ZNF888: variants seen among roughly 807,000 people sequenced by gnomAD.
ZNF888 encodes CTD-2331H12.6.
A neutral mutation model predicts 7.2 loss-of-function variants in ZNF888; 5 were observed. The observed-to-expected ratio is 0.70, with a 90% CI of 0.36 to 1.46. The LOEUF (loss-of-function observed/expected upper bound fraction) is 1.46, where lower values mean the gene tolerates loss of function less well. ZNF888 is among the 40% of genes most tolerant of loss of function. The pLI, the probability that ZNF888 is intolerant of heterozygous loss-of-function variation, is 0.03. For missense variants in ZNF888, 716 were observed against 858.0 expected (o/e 0.83, Z 2.07); for synonymous variants, 240 against 284.3 (o/e 0.84, Z 1.57).
At chr19:52,922,693 C>G (rs2064835640) in intron 1 of ZNF888, among the ~76,000 whole-genome samples, 1 of 152,184 alleles carries the variant, frequency 6.6e-6, no homozygotes, top group Admixed American at 6.5e-5. Context: ...GATTCCCTCT[C>G]TCTGTCTCCT....
chr19:52,916,302 C>T (rs942783126), intron 3 of ZNF888, among the ~76,000 whole-genome samples: 9 of 152,116 alleles, frequency 5.9e-5, no homozygotes, highest in Middle Eastern at 3.2e-3. Flanking sequence ...AGTGAGACCC[C>T]GTCTCAAAAT....
intron 3 of ZNF888, among the ~76,000 whole-genome samples, chr19:52,916,615 C>CATATACATATATATATATAT (rs374760326): frequency 3.0e-5 from 4 of 131,444 alleles, no homozygotes; most frequent in Middle Eastern, 3.8e-3. Flanking sequence ...TATACATATA[C>CATATACATATATATATATAT]ATATATATAT....
In ZNF888 at chr19:52,906,701, T is replaced by A; in HGVS notation, c.1621A>T (p.Lys541Ter). ...FVQNSSLVMH[K>*]VIHTGEKRYK... Reference sequence around the variant, plus strand: ...CGTTTCTCTCCAGTATGAATGACCTTATGCATTACAAGAGATGAATTTTGA... The same window carrying A: ...CGTTTCTCTCCAGTATGAATGACCTAATGCATTACAAGAGATGAATTTTGA... The change falls in exon 5 of 5, where the codon AAG (lysine) becomes TAG (stop). Residue 541 changes from lysine to a stop codon, truncating the protein, a stop_gained. Coordinates refer to ENST00000638862, the MANE Select transcript of ZNF888 (RefSeq NM_001393938.1). LOFTEE classifies it low-confidence loss of function (END_TRUNC). 1.2e-6 allele frequency: 2 copies of A among 1,607,442 alleles called. No individual in the cohort carries two copies. The highest frequency in any genetic ancestry group is 1.1e-5 in the South Asian group (1 of 90,184).
At chr19:52,919,552 G>A (rs1157077791) in intron 1 of ZNF888, among the ~76,000 whole-genome samples, 2 of 71,776 alleles carry the variant, frequency 2.8e-5, no homozygotes, top group African/African-American at 8.8e-5. Flanking sequence ...CCAAAGTGCC[G>A]AGATTGCAGG....
At chr19:52,919,490 C>T (rs1470613886) in intron 1 of ZNF888, among the ~76,000 whole-genome samples, 1 of 70,130 alleles carries the variant, frequency 1.4e-5, no homozygotes, top group Non-Finnish European at 3.4e-5. Context: ...AGTGCAGTGG[C>T]GTGATCTCCG....
chr19:52,923,182 G>A lies in ZNF888; in HGVS notation c.-178+187C>T, dbSNP rs112345428. 8.3e-3 allele frequency among the ~76,000 whole-genome samples: 1,262 copies of A among 152,264 alleles called. 4 individuals are homozygous for A. The highest frequency in any genetic ancestry group is 0.014 in the Middle Eastern group (4 of 294). ...CCTATAGCAAAAAGACCGAGGACAG[G>A]GCAGCCTCAGGGCGACTTTAAACCC... On this transcript the variant is annotated intron_variant, in intron 1 of 4. Transcript: ENST00000638862.
rs1369002040 is a variant in ZNF888 at position 52,920,936 on chromosome 19, A to AT, written c.-177-2000dup. The stretch of plus-strand genomic sequence containing the variant: ...TGGCTCAGAATAAATCTCTTCAAAT[A>AT]TTAAAAAAAAAAAAAAAAAAAAAAA... On this transcript the variant is annotated intron_variant, in intron 1 of 4. Transcript: ENST00000638862. Among the ~76,000 whole-genome samples the AT allele has an allele frequency of 3.7e-3, 85 of 22,678 alleles. 16 individuals are homozygous for AT. Among genetic ancestry groups the AT allele is most frequent in the African/African-American group, 8.9e-3 (78 of 8,808 alleles). 14.9% of individuals were successfully genotyped at this position (22,678 alleles called of 152,430 possible). A position where few individuals can be genotyped will look rare whatever the true frequency, so the allele number is the denominator to read the frequency against.
At chr19:52,914,245 C>T in intron 4 of ZNF888, 5 of 568,236 alleles carry the variant, frequency 8.8e-6, no homozygotes, top group Non-Finnish European at 1.1e-5. Context: ...TCCCCACACA[C>T]TATTTGAAGG....
chr19:52,920,507 A>AG (rs2064812568), intron 1 of ZNF888, among the ~76,000 whole-genome samples: 9 of 33,282 alleles, frequency 2.7e-4, no homozygotes, highest in Admixed American at 3.9e-4. Context: ...AAAAAAAAAA[A>AG]AAAAAAAAAG....
Position 52,907,929 on chromosome 19 carries a change from T to C in ZNF888, c.393A>G (p.Gly131=). Residue 131 remains glycine (G), a synonymous_variant, in exon 5 of 5, where the codon GGA becomes GGG. Coordinates refer to ENST00000638862, the MANE Select transcript of ZNF888 (RefSeq NM_001393938.1). ...STDQYDQRHA[G]NKPIKYQLGS... is the part of the protein sequence containing the mutation. ...CAAGCTGATATTTAATAGGCTTGTT[T>C]CCAGCATGCCTTTGATCATATTGGT... is the stretch of plus-strand genomic sequence containing the variant. The C allele has an allele frequency of 6.2e-7, 1 of 1,614,172 alleles. No homozygotes were observed. Among genetic ancestry groups the C allele is most frequent in the Non-Finnish European group, 8.5e-7 (1 of 1,180,024 alleles).
At chr19:52,908,271 T>A in intron 4 of ZNF888, 92 bp from the exon 5 acceptor site, 1 of 1,247,860 alleles carries the variant, frequency 8.0e-7, no homozygotes, top group South Asian at 1.2e-5. Flanking sequence ...ACAATACTTA[T>A]TTTAAACATC....
Position 52,906,241 on chromosome 19 carries a change from T to C in ZNF888, c.2081A>G (p.Glu694Gly). ...CTGTGCACGAAAGGCTTTGCCACAC[T>C]CACTACACTTGAAAGGTTTCTCTCC... ...HTGEKPFKCS[E>G]CGKAFRAQST... is the part of the protein sequence containing the mutation. The change falls in exon 5 of 5, where the codon GAG becomes GGG. Residue 694 changes from glutamate to glycine, a missense_variant. This residue lies in a region of ZNF888 where 697 missense variants were observed against 803.4 expected (regional missense o/e 0.87). Transcript: ENST00000638862. 1 of 1,610,676 alleles carries C rather than the reference T, an allele frequency of 6.2e-7. No homozygotes were observed. Among genetic ancestry groups the C allele is most frequent in the Non-Finnish European group, 8.5e-7 (1 of 1,178,140 alleles).
At chr19:52,918,508 G>A (rs369074329) in intron 2 of ZNF888, among the ~76,000 whole-genome samples, 58 of 152,222 alleles carry the variant, frequency 3.8e-4, no homozygotes, top group Non-Finnish European at 5.6e-4. Context: ...AATGGCTGAA[G>A]CCTGTAATAC....
At chr19:52,916,103 G>A (rs777629106) in intron 3 of ZNF888, among the ~76,000 whole-genome samples, 13 of 78,412 alleles carry the variant, frequency 1.7e-4, no homozygotes, top group East Asian at 2.9e-4. Context: ...CCCAGATCAC[G>A]TCACTGCACT....
chr19:52,920,533 GA>G (rs1175516942), intron 1 of ZNF888, among the ~76,000 whole-genome samples: 2,228 of 24,808 alleles, frequency 0.09, 443 homozygotes, highest in South Asian at 0.17. Context: ...AAAAGAAAAG[GA>G]AAAAAAAAAA....
chr19:52,908,844 CAAAAAAAAAA>C (rs11326533), intron 4 of ZNF888, among the ~76,000 whole-genome samples: 2 of 81,274 alleles, frequency 2.5e-5, no homozygotes, highest in African/African-American at 9.3e-5. Flanking sequence ...AGACTCGAGT[CAAAAAAAAAA>C]AAAAAAAAAA....
chr19:52,922,274 G>T (rs547230107), intron 1 of ZNF888, among the ~76,000 whole-genome samples: 40 of 101,878 alleles, frequency 3.9e-4, no homozygotes, highest in South Asian at 3.0e-3. Flanking sequence ...CATCTCTCCT[G>T]AGCTCTCCCT....
rs1166458972 is a variant in ZNF888, at chr19:52,919,163, T to C, written c.-177-226A>G. On this transcript the variant is annotated intron_variant, in intron 1 of 4. Transcript: ENST00000638862. Reference sequence around the variant, plus strand: ...CTCCCTCTCCCTCTCCCTCTCCCTCTCCCTCCTCTCGCTCTCCCTCTCCCT... The same window carrying C: ...CTCCCTCTCCCTCTCCCTCTCCCTCCCCCTCCTCTCGCTCTCCCTCTCCCT... 2.4e-3 allele frequency among the ~76,000 whole-genome samples: 5 copies of C among 2,126 alleles called. 1 individual carries two copies. Among genetic ancestry groups the C allele is most frequent in the Non-Finnish European group, 2.5e-3 (3 of 1,196 alleles). The allele number at this position is 2,126 out of a possible 152,430, so 1.4% of individuals were successfully genotyped here.
Position 52,905,434 on chromosome 19 carries a change from C to T in ZNF888, c.*731G>A. The T allele has an allele frequency of 6.6e-6, 1 of 152,364 alleles. No individual in the cohort carries two copies. Among genetic ancestry groups the T allele is most frequent in the Non-Finnish European group, 1.3e-5 (1 of 77,306 alleles). The allele number at this position is 152,364 out of a possible 1,614,324, so 9.4% of individuals were successfully genotyped here. A position where few individuals can be genotyped will look rare whatever the true frequency, so the allele number is the denominator to read the frequency against. On this transcript the variant is annotated 3_prime_UTR_variant, in exon 5 of 5. Coordinates refer to ENST00000638862, the MANE Select transcript of ZNF888 (RefSeq NM_001393938.1). The stretch of plus-strand genomic sequence containing the variant: ...TCTTTTCGGACTCAGCTTGCCTGCA[C>T]CCAGGTGATTAAAAAAAAAAAAAAT...
Sources: gnomAD v4.1 joint callset for allele counts (sites outside exome capture counted in the v4.1 genomes callset) on GRCh38, gnomAD v4.1.1 for gene constraint, gnomAD v4.1.1 regional missense constraint, MANE v1.5 for transcripts, NCBI Gene and HGNC (gene_info 2026-07-23, HGNC 2026-07-21) for gene names.